The following ELF2 variants were observed in gnomAD, a reference collection of about 807,000 sequenced individuals.
ELF2 encodes E74 like ETS transcription factor 2, also known as ETS-related transcription factor Elf-2.
In ELF2, 11 loss-of-function variants were observed where a neutral mutation model predicts 54.8. The observed-to-expected ratio is 0.20, with a 90% confidence interval of 0.13 to 0.33. The LOEUF (loss-of-function observed/expected upper bound fraction) is 0.33, where lower values mean the gene tolerates loss of function less well. Among genes scored for constraint, ELF2 ranks in the 10% least tolerant of loss-of-function variants. The probability of loss-of-function intolerance (pLI) is 1.00; values close to 1 mark genes in which losing one functional copy is unlikely to be tolerated. For synonymous variants in ELF2, 203 were observed against 245.1 expected (o/e 0.83, Z 1.61); for missense variants, 513 against 703.0 (o/e 0.73, Z 3.06).
chr4:139,061,805 A>G, intron 8 of ELF2, 60 bp downstream of exon 8: 1 of 1,578,744 alleles, frequency 6.3e-7, no homozygotes, highest in Non-Finnish European at 8.6e-7. Context: ...TTAAACAGCT[A>G]ATAGACATAT....
At chr4:139,102,112 A>G (rs1733933071) in intron 4 of ELF2, 3 of 152,182 alleles carry the variant, frequency 2.0e-5, no homozygotes, top group Admixed American at 2.0e-4. Flanking sequence ...GAAGTTTTTC[A>G]TTCTCAGTAA....
intron 4 of ELF2, among the ~76,000 whole-genome samples, chr4:139,079,785 G>A (rs576321048): frequency 3.3e-5 from 5 of 152,252 alleles, no homozygotes; most frequent in African/African-American, 1.2e-4. Flanking sequence ...GGTGGCTCAC[G>A]CCTGTAATCC....
rs1560870770 is a variant in ELF2, at chr4:139,151,027, A to AC, written c.-251-11531_-251-11530insG. On this transcript the variant is annotated intron_variant, in intron 1 of 9. Transcript: ENST00000686138. ...TGACGGAACGAGGCTCCATCTCAAA[A>AC]AAAAAAAAGAAAGAAAGAAAGAAAG... Among the ~76,000 whole-genome samples the AC allele has an allele frequency of 1.6e-3, 196 of 124,848 alleles. 10 individuals are homozygous for AC. Among genetic ancestry groups the AC allele is most frequent in the African/African-American group, 6.1e-3 (177 of 28,870 alleles). The allele number at this position is 124,848 out of a possible 152,430, so 81.9% of individuals were successfully genotyped here.
chr4:139,152,142 G>A (rs372383379), intron 1 of ELF2, among the ~76,000 whole-genome samples: 21 of 152,126 alleles, frequency 1.4e-4, no homozygotes, highest in African/African-American at 4.6e-4. Flanking sequence ...TCATTGTGGT[G>A]GTGACTGCAA....
At chr4:139,173,631 G>A (rs1260930032) in intron 1 of ELF2, among the ~76,000 whole-genome samples, 2 of 151,312 alleles carry the variant, frequency 1.3e-5, no homozygotes, top group East Asian at 2.0e-4. Flanking sequence ...GGTGGCACGC[G>A]CCCGTAGTCC....
At chr4:139,147,779 T>C (rs988749035) in intron 1 of ELF2, among the ~76,000 whole-genome samples, 15 of 122,242 alleles carry the variant, frequency 1.2e-4, no homozygotes, top group Non-Finnish European at 2.1e-4. Flanking sequence ...CAGCCAGAGA[T>C]TTTTTTTTTT....
intron 1 of ELF2, among the ~76,000 whole-genome samples, chr4:139,143,828 T>C (rs1738950798): frequency 6.6e-6 from 1 of 151,802 alleles, no homozygotes; most frequent in African/African-American, 2.4e-5. Context: ...AAAAACTATA[T>C]ATATGAAAAA....
intron 4 of ELF2, chr4:139,115,060 C>T (rs1735491416): frequency 1.7e-5 from 27 of 1,613,872 alleles, no homozygotes; most frequent in Non-Finnish European, 2.1e-5. Context: ...GGCATCGTCA[C>T]TCTCCATGTC....
chr4:139,116,629 TA>T, intron 4 of ELF2: 1 of 969,180 alleles, frequency 1.0e-6, no homozygotes, highest in African/African-American at 1.8e-5. Context: ...ACATTCTTAA[TA>T]AATTAAAAAC....
chr4:139,124,360 TAAG>T (rs1400603092), intron 4 of ELF2, among the ~76,000 whole-genome samples: 1 of 152,222 alleles, frequency 6.6e-6, no homozygotes, highest in Non-Finnish European at 1.5e-5. Context: ...CTGGACCTCA[TAAG>T]AAGAAATACA....
At chr4:139,076,671 T>C (rs1027318434) in intron 4 of ELF2, among the ~76,000 whole-genome samples, 7 of 152,196 alleles carry the variant, frequency 4.6e-5, no homozygotes, top group Non-Finnish European at 5.9e-5. Flanking sequence ...TTTACCAGTT[T>C]TTTTAATGTT....
At chr4:139,108,062 CA>C (rs1560819255) in intron 4 of ELF2, among the ~76,000 whole-genome samples, 1 of 151,816 alleles carries the variant, frequency 6.6e-6, no homozygotes, top group African/African-American at 2.4e-5. Flanking sequence ...ATAATTAATA[CA>C]AGGGCTTTAT....
At chr4:139,174,051 A>G (rs886241168) in intron 1 of ELF2, among the ~76,000 whole-genome samples, 13 of 148,080 alleles carry the variant, frequency 8.8e-5, no homozygotes, top group East Asian at 2.0e-4. Flanking sequence ...GTGAAACCCC[A>G]TCTCTACTAA....
chr4:139,144,431 G>A (rs1385689885), intron 1 of ELF2, among the ~76,000 whole-genome samples: 1 of 152,210 alleles, frequency 6.6e-6, no homozygotes, highest in Non-Finnish European at 1.5e-5. Flanking sequence ...TGAGGCAGTG[G>A]TTGCAGGTTG....
At chr4:139,100,397 C>G (rs887382898) in intron 4 of ELF2, 1 of 152,244 alleles carries the variant, frequency 6.6e-6, no homozygotes, top group Non-Finnish European at 1.5e-5. Context: ...GCAGCACATG[C>G]CCGTGATCCC....
Position 139,137,880 on chromosome 4 carries a change from A to C in ELF2, c.-166-13T>G. ...TTAACCAGAAAGCCTAAAAAGAGGA[A>C]GAATTTGAAAAGTTATTTTAAAAAT... On this transcript the variant is annotated splice_polypyrimidine_tract_variant and intron_variant, in intron 2 of 9. Transcript: ENST00000686138. The C allele has an allele frequency of 1.5e-6, 2 of 1,295,952 alleles. No homozygotes were observed. Among genetic ancestry groups the C allele is most frequent in the South Asian group, 5.4e-5 (2 of 37,196 alleles). The allele number at this position is 1,295,952 out of a possible 1,614,324, so 80.3% of individuals were successfully genotyped here.
intron 4 of ELF2, among the ~76,000 whole-genome samples, chr4:139,122,897 G>A (rs1736523285): frequency 6.6e-6 from 1 of 151,876 alleles, no homozygotes; most frequent in South Asian, 2.1e-4. Flanking sequence ...TAAAATCCAT[G>A]AGCCAGGCTG....
chr4:139,129,494 G>A (rs897027211), intron 3 of ELF2, among the ~76,000 whole-genome samples: 5 of 152,126 alleles, frequency 3.3e-5, no homozygotes, highest in Non-Finnish European at 7.3e-5. Flanking sequence ...CATCACTACA[G>A]GAATACTCAG....
chr4:139,064,302 G>T (rs977611492), intron 7 of ELF2, among the ~76,000 whole-genome samples: 1 of 152,166 alleles, frequency 6.6e-6, no homozygotes, highest in Admixed American at 6.5e-5. Flanking sequence ...GCGACAGAAC[G>T]AGACTCCGTC....
Sources: gnomAD v4.1 joint callset for allele counts (sites outside exome capture counted in the v4.1 genomes callset) on GRCh38, gnomAD v4.1.1 for gene constraint, MANE v1.5 for transcripts, NCBI Gene and HGNC (gene_info 2026-07-23, HGNC 2026-07-21) for gene names.